TIAM2: variants seen among roughly 807,000 people sequenced by gnomAD.
TIAM2 encodes the protein TIAM Rac1 associated GEF 2.
A neutral mutation model predicts 152.9 loss-of-function variants in TIAM2; 80 were observed. The observed-to-expected ratio is 0.52, with a 90% CI of 0.44 to 0.63. The LOEUF is 0.63. TIAM2 is among the 30% of genes least tolerant of loss of function. The pLI, the probability that TIAM2 is intolerant of heterozygous loss-of-function variation, is 0.00. For synonymous variants in TIAM2, 804 were observed against 838.0 expected, an observed-to-expected ratio of 0.96 and a Z score of 0.70; for missense variants, 1,965 against 2,120.1, an observed-to-expected ratio of 0.93 and a Z score of 1.44.
chr6:155,216,567 G>A (rs1781866412), intron 15 of TIAM2: 1 of 153,228 alleles, frequency 6.5e-6, no homozygotes, highest in Non-Finnish European at 1.5e-5. Flanking sequence ...TGTAGGGGGG[G>A]ATTTTTTTCC....
At position 155,027,416 on chromosome 6, in the gene TIAM2, T is replaced by G. The variant is rs1293321923; in HGVS notation, c.-209+31924T>G. On this transcript the variant is annotated intron_variant, in intron 1 of 26. Transcript: ENST00000682666. ...TATATACTATATATAATATATATACTGTGTTACATATATACTATATATAAT... is the reference window on the plus strand; with the variant it reads ...TATATACTATATATAATATATATACGGTGTTACATATATACTATATATAAT... 4.9e-4 allele frequency among the ~76,000 whole-genome samples: 56 copies of G among 115,154 alleles called. No individual in the cohort carries two copies. The South Asian group carries it at 0.014, about 30-fold the overall frequency. The allele number at this position is 115,154 out of a possible 152,430, so 75.5% of individuals were successfully genotyped here.
At chr6:155,070,890 G>A (rs73792676) in intron 1 of TIAM2, among the ~76,000 whole-genome samples, 4,289 of 152,210 alleles carry the variant, frequency 0.028, 202 homozygotes, top group African/African-American at 0.097. Flanking sequence ...ATATTTTTTA[G>A]GGGAGGCATG....
chr6:155,151,562 C>T (rs1176069711), intron 7 of TIAM2, among the ~76,000 whole-genome samples: 2 of 152,168 alleles, frequency 1.3e-5, no homozygotes, highest in Non-Finnish European at 2.9e-5. Flanking sequence ...ATGCAAGGCT[C>T]AGATGGTAAG....
intron 1 of TIAM2, among the ~76,000 whole-genome samples, chr6:155,082,020 A>G (rs951795306): frequency 1.3e-5 from 2 of 152,152 alleles, no homozygotes; most frequent in African/African-American, 4.8e-5. Context: ...ACTTTGCTCA[A>G]TCTAAGGATG....
At chr6:155,079,492 G>A (rs1417107746) in intron 1 of TIAM2, among the ~76,000 whole-genome samples, 1 of 152,154 alleles carries the variant, frequency 6.6e-6, no homozygotes, top group African/African-American at 2.4e-5. Context: ...TTAATGCATA[G>A]TGCCTAGCAC....
At chr6:155,163,088 A>G (rs553822166) in intron 7 of TIAM2, among the ~76,000 whole-genome samples, 150 of 152,266 alleles carry the variant, frequency 9.9e-4, no homozygotes, top group African/African-American at 3.2e-3. Context: ...AAATCCTTCA[A>G]AGTATTATTT....
intron 1 of TIAM2, among the ~76,000 whole-genome samples, chr6:155,018,797 G>A: frequency 9.1e-6 from 1 of 109,898 alleles, no homozygotes; most frequent in East Asian, 2.7e-4. Flanking sequence ...TTTTTTGATG[G>A]GGAGGCCAAG....
At chr6:155,025,500 G>A (rs957398803) in intron 1 of TIAM2, among the ~76,000 whole-genome samples, 58 of 151,984 alleles carry the variant, frequency 3.8e-4, no homozygotes, top group African/African-American at 1.1e-3. Flanking sequence ...TATTTTTTTA[G>A]TAGAGTTGGG....
intron 9 of TIAM2, among the ~76,000 whole-genome samples, chr6:155,172,674 ATATATATATATATTTTTTTTTTTTT>A (rs1267612859): frequency 6.8e-4 from 9 of 13,268 alleles, no homozygotes; most frequent in East Asian, 4.8e-3. Flanking sequence ...ATATATATAT[ATATATATATATATTTTTTTTTTTTT>A]TTTTTTTTTT....
intron 4 of TIAM2, among the ~76,000 whole-genome samples, chr6:155,136,308 C>G (rs1779553926): frequency 6.6e-6 from 1 of 151,564 alleles, no homozygotes; most frequent in Admixed American, 6.6e-5. Context: ...GAGTTTCGCT[C>G]TTGTTGCCCA....
chr6:155,045,382 G>C (rs1777152814), intron 1 of TIAM2, among the ~76,000 whole-genome samples: 1 of 151,950 alleles, frequency 6.6e-6, no homozygotes, highest in East Asian at 1.9e-4. Flanking sequence ...TTTCTATGCT[G>C]TTTTCTTCAA....
intron 7 of TIAM2, among the ~76,000 whole-genome samples, chr6:155,159,654 C>G (rs1040801628): frequency 2.0e-4 from 30 of 152,148 alleles, no homozygotes; most frequent in African/African-American, 6.3e-4. Context: ...ACTTGTACCT[C>G]TTCTTCCCTC....
At chr6:155,009,249 G>A (rs1778448226) in intron 1 of TIAM2, among the ~76,000 whole-genome samples, 1 of 151,866 alleles carries the variant, frequency 6.6e-6, no homozygotes, top group African/African-American at 2.4e-5. Flanking sequence ...CTACAGCCGT[G>A]AGCCACCATG....
chr6:155,235,256 G>A (rs1197497651), intron 15 of TIAM2, among the ~76,000 whole-genome samples: 1 of 152,140 alleles, frequency 6.6e-6, no homozygotes, highest in Non-Finnish European at 1.5e-5. Context: ...TGACCCAAAC[G>A]GCAATTTTAG....
At chr6:155,209,868 C>T (rs576229598) in intron 14 of TIAM2, among the ~76,000 whole-genome samples, 1 of 152,224 alleles carries the variant, frequency 6.6e-6, no homozygotes, top group Non-Finnish European at 1.5e-5. Flanking sequence ...TGTCTCCCAG[C>T]TGTCCCAACC....
Position 155,256,600 on chromosome 6 carries a change from A to G in TIAM2, c.4585A>G (p.Ser1529Gly). 1 of 1,614,164 alleles carries G rather than the reference A, an allele frequency of 6.2e-7. No homozygotes were observed. The highest frequency in any genetic ancestry group is 1.1e-5 in the South Asian group (1 of 91,082). ...DEGSLSSGTQ[S>G]SGCPTAEGRQ... ...GGGCAGCTTGAGCAGCGGCACCCAG[A>G]GCAGCGGCTGCCCCACGGCTGAGGG... is the stretch of plus-strand genomic sequence containing the variant. The change falls in exon 27 of 27, where the codon AGC becomes GGC. Residue 1529 changes from serine to glycine, a missense_variant. Ser to Gly is a moderately conservative substitution (Grantham distance 56). Coordinates refer to ENST00000682666, the MANE Select transcript of TIAM2 (RefSeq NM_012454.4).
intron 14 of TIAM2, among the ~76,000 whole-genome samples, chr6:155,205,064 T>C (rs1398171856): frequency 6.6e-6 from 1 of 151,986 alleles, no homozygotes; most frequent in African/African-American, 2.4e-5. Context: ...AGAGCCCTCA[T>C]GACCTAAACA....
intron 2 of TIAM2, among the ~76,000 whole-genome samples, chr6:155,104,978 A>G (rs1181187523): frequency 6.6e-6 from 1 of 152,088 alleles, no homozygotes; most frequent in Non-Finnish European, 1.5e-5. Flanking sequence ...TTCTTTTGAG[A>G]TAGGGTCTCA....
At chr6:155,247,226 C>T (rs370362432) in intron 19 of TIAM2, among the ~76,000 whole-genome samples, 52 of 152,334 alleles carry the variant, frequency 3.4e-4, no homozygotes, top group African/African-American at 1.2e-3. Flanking sequence ...TACAAATAAG[C>T]AACAACTAGA....
Sources: allele counts gnomAD v4.1 joint callset (sites outside exome capture counted in the v4.1 genomes callset), GRCh38; gene constraint gnomAD v4.1.1; transcripts MANE v1.5; gene names NCBI Gene and HGNC (gene_info 2026-07-23, HGNC 2026-07-21).